The following SLC2A9 variants were observed in gnomAD, a reference collection of about 807,000 sequenced individuals.
SLC2A9 encodes solute carrier family 2 member 9.
In SLC2A9, 39 loss-of-function variants were observed where a neutral mutation model predicts 50.6. The ratio of observed to expected loss-of-function variants is 0.77; its 90% CI spans 0.60 to 1.01. The LOEUF is 1.01. Among genes scored for constraint, SLC2A9 ranks in the 50% least tolerant of loss-of-function variants. SLC2A9 has a pLI of 0.00. For synonymous variants in SLC2A9, 324 were observed against 276.9 expected (o/e 1.17, Z -1.69); for missense variants, 686 against 677.6 (o/e 1.01, Z -0.14).
intron 5 of SLC2A9, among the ~76,000 whole-genome samples, chr4:9,964,016 C>T (rs927140761): frequency 6.6e-6 from 1 of 152,062 alleles, no homozygotes; most frequent in Non-Finnish European, 1.5e-5. Flanking sequence ...AGCCTGGAGC[C>T]AGGTCATACG....
intron 7 of SLC2A9, among the ~76,000 whole-genome samples, chr4:9,913,829 T>A (rs781545708): frequency 6.6e-6 from 1 of 152,208 alleles, no homozygotes; most frequent in African/African-American, 2.4e-5. Flanking sequence ...TATGAAGCCA[T>A]GCTGTCTAAT....
In SLC2A9 at chr4:9,985,379, T is replaced by C. The variant is rs570726243; in HGVS notation, c.535+290A>G. Among the ~76,000 whole-genome samples, 7 of 152,290 alleles carry C rather than the reference T, an allele frequency of 4.6e-5. No individual in the cohort carries two copies. The East Asian group carries it at 1.4e-3, about 29-fold the overall frequency. On this transcript the variant is annotated intron_variant, in intron 4 of 11. Transcript: ENST00000264784. ...AAATAACCTTGGAATATTAACATTA[T>C]GATGAAGGTGACCAAACAGAAGGCA...
intron 10 of SLC2A9, among the ~76,000 whole-genome samples, chr4:9,863,349 A>G (rs1731955335): frequency 6.6e-6 from 1 of 151,890 alleles, no homozygotes; most frequent in East Asian, 1.9e-4. Flanking sequence ...GTCTTGCTAC[A>G]TTGCCTAGGT....
intron 3 of SLC2A9, among the ~76,000 whole-genome samples, chr4:9,993,022 G>T (rs892253808): frequency 6.6e-6 from 1 of 152,164 alleles, no homozygotes; most frequent in Non-Finnish European, 1.5e-5. Flanking sequence ...ATTACTCAGG[G>T]GCTGCCTCCT....
chr4:9,880,545 G>GA lies in SLC2A9; in HGVS notation c.1291+7021dup, dbSNP rs143042777. On this transcript the variant is annotated intron_variant, in intron 10 of 11. Transcript: ENST00000264784. Reference sequence around the variant, plus strand: ...TGCAAAAAGTCTTGGGAGGGCTTAGGAAAAAAAAAACAGAGAAGGCTAAGC... The same window carrying GA: ...TGCAAAAAGTCTTGGGAGGGCTTAGGAAAAAAAAAAACAGAGAAGGCTAAGC... 5,530 of 757,544 alleles carry GA rather than the reference G, an allele frequency of 7.3e-3. 3 individuals carry two copies. The highest frequency in any genetic ancestry group is 0.027 in the East Asian group (207 of 7,788). 46.9% of individuals were successfully genotyped at this position (757,544 alleles called of 1,614,324 possible).
Position 9,834,885 on chromosome 4 carries a change from A to G in SLC2A9, c.1415T>C (p.Ile472Thr), listed in dbSNP as rs200386303. The change falls in exon 11 of 12, where the codon ATT (isoleucine) becomes ACT (threonine). Residue 472 changes from isoleucine to threonine, a missense_variant. Transcript: ENST00000264784. The part of the protein sequence containing the change: ...NFAVGLLFPF[I>T]QKSLDTYCFL... ...AAGACTCCTTGTCAGTCATACCTGA[A>G]TGAATGGGAAGAGGAGCCCAACAGC... 2 of 1,614,180 alleles carry G rather than the reference A, an allele frequency of 1.2e-6. No homozygotes were observed. Among genetic ancestry groups the G allele is most frequent in the Admixed American group, 1.7e-5 (1 of 60,026 alleles).
chr4:9,818,401 C>T (rs1723932156), intron 3 of SLC2A9, among the ~76,000 whole-genome samples: 1 of 152,182 alleles, frequency 6.6e-6, no homozygotes, highest in Non-Finnish European at 1.5e-5. Context: ...GTAAGGGGAA[C>T]TTTATTCAAA....
chr4:9,928,742 A>T (rs114540580), intron 6 of SLC2A9, among the ~76,000 whole-genome samples: 130 of 152,308 alleles, frequency 8.5e-4, no homozygotes, highest in African/African-American at 2.8e-3. Context: ...TCAAAAGCAA[A>T]CAAACAAACA....
chr4:9,814,001 G>A (rs1244489858), intron 3 of SLC2A9, among the ~76,000 whole-genome samples: 2 of 152,138 alleles, frequency 1.3e-5, no homozygotes, highest in Admixed American at 6.5e-5. Flanking sequence ...AGATCCAGGC[G>A]TGGTGGCACA....
intron 10 of SLC2A9, among the ~76,000 whole-genome samples, chr4:9,840,960 A>G (rs1180312686): frequency 6.6e-6 from 1 of 152,170 alleles, no homozygotes; most frequent in Non-Finnish European, 1.5e-5. Context: ...TGAAACCATT[A>G]GATCTTGTGA....
chr4:9,837,977 C>T (rs751561465), intron 10 of SLC2A9, among the ~76,000 whole-genome samples: 1 of 152,138 alleles, frequency 6.6e-6, no homozygotes, highest in Non-Finnish European at 1.5e-5. Flanking sequence ...AATTCTCTCA[C>T]CTGTAAAGTG....
chr4:9,864,154 C>T (rs1024802711), intron 10 of SLC2A9, among the ~76,000 whole-genome samples: 1 of 152,046 alleles, frequency 6.6e-6, no homozygotes, highest in South Asian at 2.1e-4. Flanking sequence ...GGTTTCTTGG[C>T]TTCTTCTTTG....
At chr4:9,977,551 C>A (rs1191278149) in intron 5 of SLC2A9, among the ~76,000 whole-genome samples, 2 of 145,190 alleles carry the variant, frequency 1.4e-5, no homozygotes, top group African/African-American at 5.1e-5. Context: ...CTCCCCCTCC[C>A]CCTCCCCCTC....
At chr4:9,985,876 G>C in intron 3 of SLC2A9, 83 bp from the exon 4 acceptor site, 2 of 1,595,910 alleles carry the variant, frequency 1.3e-6, no homozygotes, top group Non-Finnish European at 1.7e-6. Flanking sequence ...CAGGAGCCAG[G>C]CCCTTCTGAA....
intron 8 of SLC2A9, among the ~76,000 whole-genome samples, chr4:9,902,440 C>T (rs1739813812): frequency 6.6e-6 from 1 of 152,216 alleles, no homozygotes; most frequent in African/African-American, 2.4e-5. Flanking sequence ...TCCATGTCTG[C>T]TTCTCTTCAG....
In SLC2A9 at chr4:9,902,767, C is replaced by T. The variant is rs58676546; in HGVS notation, c.1113+5468G>A. ...CAGTCGTATTGGATTAGGGGCCCACCCTATTCCAGTATAACCGTATCTTAC... is the reference window on the plus strand; with the variant it reads ...CAGTCGTATTGGATTAGGGGCCCACTCTATTCCAGTATAACCGTATCTTAC... On this transcript the variant is annotated intron_variant, in intron 8 of 11. Transcript: ENST00000264784. Among the ~76,000 whole-genome samples the T allele has an allele frequency of 9.2e-5, 14 of 152,282 alleles. No homozygotes were observed. The East Asian group carries it at 2.3e-3, about 25-fold the overall frequency.
chr4:9,784,381 A>G (rs771224507), intron 3 of SLC2A9, among the ~76,000 whole-genome samples: 2 of 152,234 alleles, frequency 1.3e-5, no homozygotes, highest in African/African-American at 2.4e-5. Context: ...CATGTAGAAT[A>G]ATATCTTGAA....
At chr4:9,807,600 C>G (rs148317100) in intron 3 of SLC2A9, among the ~76,000 whole-genome samples, 2,683 of 152,296 alleles carry the variant, frequency 0.018, 86 homozygotes, top group Admixed American at 0.074. Flanking sequence ...TGGATACTTA[C>G]CAACTGAATG....
At chr4:9,787,595 A>T (rs1719388194) in intron 3 of SLC2A9, among the ~76,000 whole-genome samples, 1 of 152,228 alleles carries the variant, frequency 6.6e-6, no homozygotes, top group Admixed American at 6.5e-5. Flanking sequence ...GACTTTATTC[A>T]GACTTCATGA....
Sources: allele counts gnomAD v4.1 joint callset (sites outside exome capture counted in the v4.1 genomes callset), GRCh38; gene constraint gnomAD v4.1.1; transcripts MANE v1.5; gene names NCBI Gene and HGNC (gene_info 2026-07-23, HGNC 2026-07-21).